CADPS: variants seen among roughly 807,000 people sequenced by gnomAD.
CADPS encodes the protein calcium-dependent secretion activator 1.
Under a neutral mutation model 167.3 loss-of-function variants are expected in CADPS, and 57 were observed. The ratio of observed to expected loss-of-function variants is 0.34; its 90% CI spans 0.28 to 0.42. CADPS has a LOEUF of 0.42. Ranked by LOEUF, CADPS falls within the 20% of genes least tolerant of loss-of-function variation. The pLI, the probability that CADPS is intolerant of heterozygous loss-of-function variation, is 1.00. For missense variants in CADPS, 1,414 were observed against 1,738.1 expected, an observed-to-expected ratio of 0.81 and a Z score of 3.32; for synonymous variants, 676 against 635.3, an observed-to-expected ratio of 1.06 and a Z score of -0.96.
chr3:62,501,534 C>T (rs949035021), intron 17 of CADPS, among the ~76,000 whole-genome samples: 2 of 152,134 alleles, frequency 1.3e-5, no homozygotes, highest in African/African-American at 2.4e-5. Context: ...ACATCACACA[C>T]TTACATACAT....
intron 1 of CADPS, among the ~76,000 whole-genome samples, chr3:62,873,756 C>G (rs941715726): frequency 6.6e-6 from 1 of 151,972 alleles, no homozygotes; most frequent in Non-Finnish European, 1.5e-5. Flanking sequence ...AGTGGCAGGG[C>G]TTGGAGGACC....
At chr3:62,624,134 G>A (rs1371992225) in intron 6 of CADPS, among the ~76,000 whole-genome samples, 1 of 152,144 alleles carries the variant, frequency 6.6e-6, no homozygotes, top group African/African-American at 2.4e-5. Flanking sequence ...TAACTGGCCT[G>A]AAACGTCAAC....
In CADPS at chr3:62,624,228, A is replaced by G. The variant is rs2063635403; in HGVS notation, c.1325+21494T>C. ...TTTTAGGTAGTTCTAAGAGTTGCAC[A>G]GGTCCTTGAAGGAATGATGGGGTTG... On this transcript the variant is annotated intron_variant, in intron 6 of 29. Coordinates refer to ENST00000383710, the MANE Select transcript of CADPS (RefSeq NM_003716.4). Among the ~76,000 whole-genome samples the G allele has an allele frequency of 3.3e-5, 5 of 152,060 alleles. No homozygotes were observed. In the South Asian group the frequency reaches 1.0e-3, roughly 32 times the overall value.
In CADPS at chr3:62,455,078, G is replaced by A. The variant is rs140768188; in HGVS notation, c.3637-9281C>T. On this transcript the variant is annotated intron_variant, in intron 26 of 29. Transcript: ENST00000383710. This position sits in a 1 kb window ranked among gnomAD's most constrained non-coding sequence, Gnocchi z 4.4. ...TTGTTCTCATCTCCTGTTGTTCAGG[G>A]TACTGTGCTCCGAGACTAGATCCAG... 4.5e-4 allele frequency among the ~76,000 whole-genome samples: 68 copies of A among 152,014 alleles called. No homozygotes were observed. The highest frequency in any genetic ancestry group is 1.6e-3 in the African/African-American group (67 of 41,470).
At chr3:62,461,171 C>T (rs1560681633) in intron 26 of CADPS, among the ~76,000 whole-genome samples, 1 of 152,202 alleles carries the variant, frequency 6.6e-6, no homozygotes, top group Non-Finnish European at 1.5e-5. Flanking sequence ...TGGGATTGTT[C>T]TGAGGATTCA....
At chr3:62,772,169 TA>T (rs2089022289) in intron 1 of CADPS, among the ~76,000 whole-genome samples, 3 of 152,156 alleles carry the variant, frequency 2.0e-5, no homozygotes, top group Admixed American at 6.5e-5. Flanking sequence ...CAGGAAGTAT[TA>T]TTTTTTTCCC....
At chr3:62,549,797 G>T (rs959650641) in intron 11 of CADPS, 106 bp downstream of exon 11, 8 of 861,268 alleles carry the variant, frequency 9.3e-6, no homozygotes, top group Admixed American at 8.2e-5. Context: ...CAGCAAACAT[G>T]ATTTTATAAA....
chr3:62,602,706 G>C lies in CADPS; in HGVS notation c.1326-9958C>G, dbSNP rs1307224002. ...GCTTTGTAGAAATTGGGCTGTCTGGGAGGCAGAGATGAAGGCTTTGGTTTG... is the reference window on the plus strand; with the variant it reads ...GCTTTGTAGAAATTGGGCTGTCTGGCAGGCAGAGATGAAGGCTTTGGTTTG... On this transcript the variant is annotated intron_variant, in intron 6 of 29. Coordinates refer to ENST00000383710, the MANE Select transcript of CADPS (RefSeq NM_003716.4). This position sits in a 1 kb window ranked among gnomAD's most constrained non-coding sequence, Gnocchi z 4.4. 6.6e-6 allele frequency among the ~76,000 whole-genome samples: 1 copy of C among 152,140 alleles called. No homozygotes were observed. Among genetic ancestry groups the C allele is most frequent in the Non-Finnish European group, 1.5e-5 (1 of 68,024 alleles).
At chr3:62,553,011 G>T (rs1238705638) in intron 10 of CADPS, among the ~76,000 whole-genome samples, 2 of 152,182 alleles carry the variant, frequency 1.3e-5, no homozygotes, top group African/African-American at 4.8e-5. Flanking sequence ...TCTGAGAGTT[G>T]TTTTAAGCCT....
chr3:62,606,261 A>G (rs2060680932), intron 6 of CADPS, among the ~76,000 whole-genome samples: 1 of 152,180 alleles, frequency 6.6e-6, no homozygotes, highest in Non-Finnish European at 1.5e-5. Flanking sequence ...TGTAATCTCC[A>G]ATATGACAGT....
intron 6 of CADPS, among the ~76,000 whole-genome samples, chr3:62,619,525 A>C (rs1438138050): frequency 6.6e-6 from 1 of 152,162 alleles, no homozygotes; most frequent in Admixed American, 6.6e-5. Flanking sequence ...TTCCAGCTTG[A>C]AAAAACATGG....
chr3:62,869,749 GGTGAGC>G (rs1200789312), intron 1 of CADPS, among the ~76,000 whole-genome samples: 1 of 152,072 alleles, frequency 6.6e-6, no homozygotes, highest in Non-Finnish European at 1.5e-5. Flanking sequence ...ATCAAGCCTG[GGTGAGC>G]GCTTGGTGCA....
At chr3:62,413,336 A>G (rs1452519612) in intron 28 of CADPS, among the ~76,000 whole-genome samples, 2 of 152,318 alleles carry the variant, frequency 1.3e-5, no homozygotes, top group East Asian at 1.9e-4. Flanking sequence ...TGTTCATAGC[A>G]GCTTTATTCA....
At chr3:62,797,642 C>T (rs1282049714) in intron 1 of CADPS, among the ~76,000 whole-genome samples, 1 of 151,888 alleles carries the variant, frequency 6.6e-6, no homozygotes, top group African/African-American at 2.4e-5. Context: ...TAGAGAAGAA[C>T]AACACACAAT....
chr3:62,536,526 A>G lies in CADPS; in HGVS notation c.2022T>C (p.Cys674=). ...GMDEFISSNP[C]NFDHASLFEM... is the part of the protein sequence containing the mutation. ...CAAAGAGGGAAGCGTGGTCAAAGTT[A>G]CAGGGGTTGGAAGAGATAAATTCAT... Residue 674 remains cysteine (C), a synonymous_variant, in exon 12 of 30, where the codon TGT becomes TGC. Coordinates refer to ENST00000383710, the MANE Select transcript of CADPS (RefSeq NM_003716.4). 1.2e-6 allele frequency: 2 copies of G among 1,613,472 alleles called. No homozygotes were observed. Among genetic ancestry groups the G allele is most frequent in the Non-Finnish European group, 8.5e-7 (1 of 1,179,448 alleles).
intron 3 of CADPS, among the ~76,000 whole-genome samples, chr3:62,676,334 G>A (rs2076329743): frequency 6.6e-6 from 1 of 152,124 alleles, no homozygotes; most frequent in African/African-American, 2.4e-5. Context: ...TTGAGTGATT[G>A]TCTATAAATA....
intron 28 of CADPS, among the ~76,000 whole-genome samples, chr3:62,405,929 T>G (rs1452677948): frequency 1.3e-5 from 2 of 152,174 alleles, no homozygotes; most frequent in East Asian, 3.8e-4. Context: ...CTTCTAGAAC[T>G]TTAAAATGTT....
At chr3:62,609,672 C>T (rs1038753635) in intron 6 of CADPS, among the ~76,000 whole-genome samples, 1 of 152,080 alleles carries the variant, frequency 6.6e-6, no homozygotes, top group Non-Finnish European at 1.5e-5. Context: ...TAGTAAAGAT[C>T]GAATTAGATA....
At chr3:62,787,648 G>A (rs2092584441) in intron 1 of CADPS, among the ~76,000 whole-genome samples, 1 of 152,070 alleles carries the variant, frequency 6.6e-6, no homozygotes, top group South Asian at 2.1e-4. Flanking sequence ...AAAATAGCTT[G>A]GAAACCATGG....
Sources: allele counts gnomAD v4.1 joint callset (sites outside exome capture counted in the v4.1 genomes callset), GRCh38; gene constraint gnomAD v4.1.1; non-coding constraint Gnocchi (gnomAD v3.1); transcripts MANE v1.5; gene names NCBI Gene and HGNC (gene_info 2026-07-23, HGNC 2026-07-21).